Variants in PTCD2 observed in about 807,000 individuals in gnomAD.
The protein encoded by PTCD2 is pentatricopeptide repeat-containing protein 2, mitochondrial.
PTCD2 carries 31 observed loss-of-function variants against 42.6 expected under a neutral mutation model. The ratio of observed to expected loss-of-function variants is 0.73; its 90% CI spans 0.55 to 0.98. The LOEUF is 0.98. Ranked by LOEUF, PTCD2 falls within the 50% of genes least tolerant of loss-of-function variation. The probability of loss-of-function intolerance (pLI) is 0.00; values close to 1 mark genes in which losing one functional copy is unlikely to be tolerated. For missense variants in PTCD2, 476 were observed against 454.8 expected (o/e 1.05, Z -0.42); for synonymous variants, 183 against 170.9 (o/e 1.07, Z -0.55).
At chr5:72,327,203 C>G (rs551718755) in intron 3 of PTCD2, among the ~76,000 whole-genome samples, 18 of 152,338 alleles carry the variant, frequency 1.2e-4, no homozygotes, top group Non-Finnish European at 2.2e-4. Flanking sequence ...CTTCCTCTCT[C>G]TATCTCCGTT....
intron 8 of PTCD2, among the ~76,000 whole-genome samples, chr5:72,350,020 G>C (rs774440306): frequency 1.3e-5 from 2 of 152,192 alleles, no homozygotes; most frequent in Non-Finnish European, 2.9e-5. Context: ...GTTTATTTTT[G>C]TAAATTGCTG....
Position 72,366,686 on chromosome 5 carries a change from T to C in PTCD2, c.*8259T>C, listed in dbSNP as rs1043398032. The C allele has an allele frequency of 9.2e-5, 14 of 151,980 alleles. No individual in the cohort carries two copies. Among genetic ancestry groups the C allele is most frequent in the African/African-American group, 3.4e-4 (14 of 41,356 alleles). 9.4% of individuals were successfully genotyped at this position (151,980 alleles called of 1,614,324 possible). ...GTAGCTGTAGATAGACTTTAGGGAG[T>C]ATATAGAATATTGCCTTCACGCAGG... On this transcript the variant is annotated 3_prime_UTR_variant, in exon 10 of 10. Coordinates refer to ENST00000380639, the MANE Select transcript of PTCD2 (RefSeq NM_024754.5).
chr5:72,323,489 A>G (rs1750973061), intron 2 of PTCD2, among the ~76,000 whole-genome samples: 1 of 151,554 alleles, frequency 6.6e-6, no homozygotes, highest in East Asian at 1.9e-4. Flanking sequence ...GGGGTTGTGG[A>G]TATACCTCCT....
intron 8 of PTCD2, among the ~76,000 whole-genome samples, chr5:72,343,901 A>G (rs573291677): frequency 6.6e-6 from 1 of 152,248 alleles, no homozygotes; most frequent in South Asian, 2.1e-4. Context: ...GGGGAGTTGC[A>G]AAAGAAAAAA....
At chr5:72,355,556 A>G (rs1035303473) in intron 9 of PTCD2, among the ~76,000 whole-genome samples, 2 of 152,250 alleles carry the variant, frequency 1.3e-5, no homozygotes, top group African/African-American at 4.8e-5. Flanking sequence ...ACTGTAAAGC[A>G]GAGTTAAATA....
At chr5:72,323,185 AAAT>A (rs1187899903) in intron 2 of PTCD2, among the ~76,000 whole-genome samples, 1 of 152,186 alleles carries the variant, frequency 6.6e-6, no homozygotes, top group African/African-American at 2.4e-5. Context: ...CTTTGAAAAA[AAAT>A]CCAGTGTGTT....
intron 9 of PTCD2, among the ~76,000 whole-genome samples, chr5:72,353,931 G>A (rs1196928715): frequency 2.0e-5 from 3 of 152,086 alleles, no homozygotes; most frequent in Admixed American, 2.0e-4. Flanking sequence ...AATATCCTGG[G>A]AGTGGAAAAA....
chr5:72,329,743 CA>C (rs1018299819), intron 3 of PTCD2, among the ~76,000 whole-genome samples: 1 of 152,078 alleles, frequency 6.6e-6, no homozygotes, highest in African/African-American at 2.4e-5. Context: ...TTCTTCCTTC[CA>C]TTTTACAGAT....
At chr5:72,347,065 T>C (rs539642116) in intron 8 of PTCD2, among the ~76,000 whole-genome samples, 2 of 152,298 alleles carry the variant, frequency 1.3e-5, no homozygotes, top group Non-Finnish European at 2.9e-5. Flanking sequence ...AAACAATTTT[T>C]CTCCACATTA....
At position 72,358,281 on chromosome 5, in the gene PTCD2, A is replaced by G. The variant is rs1307482643; in HGVS notation, c.1021A>G (p.Ile341Val). ...KFDEIYGTLH[I>V]TGQVTTDSLD... ...TGATGAGATCTATGGGACACTGCAC[A>G]TCACTGGCCAGGTCACCACTGATTC... The change falls in exon 10 of 10, where the codon ATC (isoleucine) becomes GTC (valine). Residue 341 changes from isoleucine to valine, a missense_variant. By Grantham distance (29) the Ile-to-Val change is conservative. Transcript: ENST00000380639. 1 of 1,614,132 alleles carries G rather than the reference A, an allele frequency of 6.2e-7. No individual in the cohort carries two copies. Among genetic ancestry groups the G allele is most frequent in the Admixed American group, 1.7e-5 (1 of 60,008 alleles).
At chr5:72,326,134 A>G (rs1323930383) in intron 2 of PTCD2, among the ~76,000 whole-genome samples, 1 of 152,226 alleles carries the variant, frequency 6.6e-6, no homozygotes, top group Non-Finnish European at 1.5e-5. Context: ...ATGTGGGTCC[A>G]CCATTGTGGA....
chr5:72,333,163 TC>T (rs1176035613), intron 4 of PTCD2, among the ~76,000 whole-genome samples: 1 of 152,068 alleles, frequency 6.6e-6, no homozygotes, highest in East Asian at 1.9e-4. Context: ...TTGTGCCATC[TC>T]CCCTTTCTCC....
In PTCD2 at chr5:72,352,613, G is replaced by A. The variant is rs775797664; in HGVS notation, c.829-28G>A. 6 of 1,177,278 alleles carry A rather than the reference G, an allele frequency of 5.1e-6. No homozygotes were observed. The African/African-American group carries it at 6.1e-5, about 12-fold the overall frequency. The allele number at this position is 1,177,278 out of a possible 1,614,324, so 72.9% of individuals were successfully genotyped here. A position where few individuals can be genotyped will look rare whatever the true frequency, so the allele number is the denominator to read the frequency against. On this transcript the variant is annotated intron_variant, in intron 8 of 9. Coordinates refer to ENST00000380639, the MANE Select transcript of PTCD2 (RefSeq NM_024754.5). ...GCATTGAGACACTCACTCAGTCTTG[G>A]TTTTGCTTGTGTCTTCTTAATATTC...
At chr5:72,323,970 G>A (rs1669650805) in intron 2 of PTCD2, among the ~76,000 whole-genome samples, 1 of 151,958 alleles carries the variant, frequency 6.6e-6, no homozygotes, top group South Asian at 2.1e-4. Flanking sequence ...TCACAATTCA[G>A]TCCTCCAGAA....
At chr5:72,326,376 TAG>T (rs547272833) in intron 2 of PTCD2, among the ~76,000 whole-genome samples, 21 of 152,342 alleles carry the variant, frequency 1.4e-4, no homozygotes, top group African/African-American at 4.8e-4. Context: ...GATTTTATTT[TAG>T]AGAGTCTTGA....
At chr5:72,345,095 G>A (rs557703379) in intron 8 of PTCD2, among the ~76,000 whole-genome samples, 1 of 152,260 alleles carries the variant, frequency 6.6e-6, no homozygotes, top group Non-Finnish European at 1.5e-5. Flanking sequence ...ACGGGAGACT[G>A]GGGCTTATTT....
chr5:72,367,071 C>G lies in PTCD2; in HGVS notation c.*8644C>G, dbSNP rs547111734. On this transcript the variant is annotated 3_prime_UTR_variant, in exon 10 of 10. Transcript: ENST00000380639. ...TGTCTCTCTACCCTTCCAGATTCAT[C>G]AAATGATAGTCAACCTTACTGTCTC... 2 of 152,326 alleles carry G rather than the reference C, an allele frequency of 1.3e-5. No individual in the cohort carries two copies. Among genetic ancestry groups the G allele is most frequent in the South Asian group, 4.1e-4 (2 of 4,822 alleles). 9.4% of individuals were successfully genotyped at this position (152,326 alleles called of 1,614,324 possible).
chr5:72,345,683 A>G (rs549802619), intron 8 of PTCD2, among the ~76,000 whole-genome samples: 2 of 152,340 alleles, frequency 1.3e-5, no homozygotes, highest in South Asian at 4.1e-4. Flanking sequence ...CAGTCCCTCC[A>G]TTTGGGGTTC....
chr5:72,360,777 T>G lies in PTCD2; in HGVS notation c.*2350T>G, dbSNP rs564288426. On this transcript the variant is annotated 3_prime_UTR_variant, in exon 10 of 10. Transcript: ENST00000380639. ...TCAGCTCACTGCAACTTCTGCCTCC[T>G]GGGTTCAAGCAATTCTCATGCCCCA... The G allele has an allele frequency of 2.0e-5, 3 of 151,954 alleles. No homozygotes were observed. The South Asian group carries it at 6.2e-4, about 32-fold the overall frequency. The allele number at this position is 151,954 out of a possible 1,614,324, so 9.4% of individuals were successfully genotyped here. A position where few individuals can be genotyped will look rare whatever the true frequency, so the allele number is the denominator to read the frequency against.
Sources: gnomAD v4.1 joint callset for allele counts (sites outside exome capture counted in the v4.1 genomes callset) on GRCh38, gnomAD v4.1.1 for gene constraint, MANE v1.5 for transcripts, NCBI Gene and HGNC (gene_info 2026-07-23, HGNC 2026-07-21) for gene names.